NECTIN4: variants seen among roughly 807,000 people sequenced by gnomAD.
The protein encoded by NECTIN4 is nectin-4.
Under a neutral mutation model 51.7 loss-of-function variants are expected in NECTIN4, and 19 were observed. That is an observed-to-expected ratio of 0.37 (90% CI 0.26 to 0.54). The LOEUF is 0.54. NECTIN4 is among the 20% of genes least tolerant of loss of function. The probability of loss-of-function intolerance (pLI) is 0.86; values close to 1 mark genes in which losing one functional copy is unlikely to be tolerated. For synonymous variants in NECTIN4, 283 were observed against 286.9 expected (o/e 0.99, Z 0.14); for missense variants, 619 against 662.4 (o/e 0.93, Z 0.72).
At chr1:161,085,796 T>G (rs1176300570) in intron 1 of NECTIN4, among the ~76,000 whole-genome samples, 2 of 151,552 alleles carry the variant, frequency 1.3e-5, no homozygotes, top group African/African-American at 4.9e-5. Context: ...TCTCCTTGGA[T>G]TCAGGCAATC....
In NECTIN4 at chr1:161,073,264, G is replaced by A. The variant is rs1653260758; in HGVS notation, c.1269C>T (p.His423=). Residue 423 remains histidine (H), a synonymous_variant, in exon 8 of 9, where the codon CAC becomes CAT. Transcript: ENST00000368012. ...EESVGLRAEG[H]PDSLKDNSSC... ...TACTGTTGTCCTTGAGACTATCAGG[G>A]TGGCCCTCGGCTCTCAGCCCTACAC... 1 of 1,613,994 alleles carries A rather than the reference G, an allele frequency of 6.2e-7. No individual in the cohort carries two copies. Among genetic ancestry groups the A allele is most frequent in the Admixed American group, 1.7e-5 (1 of 60,004 alleles).
At position 161,077,603 on chromosome 1, in the gene NECTIN4, G is replaced by A. The variant is rs868422471; in HGVS notation, c.580C>T (p.Arg194Cys). The A allele has an allele frequency of 6.8e-6, 11 of 1,613,702 alleles. No homozygotes were observed. Among genetic ancestry groups the A allele is most frequent in the African/African-American group, 2.7e-5 (2 of 74,918 alleles). Reference protein sequence around the residue: ...DTEVKGTTSSRSFKHSRSAAV... With the variant: ...DTEVKGTTSSCSFKHSRSAAV... ...GCAGAGCGGGAGTGCTTGAAGGAAC[G>A]GCTGGACGTTGTGCCTTTGACCTCC... Residue 194 changes from arginine to cysteine, a missense_variant, in exon 3 of 9, where the codon CGT (arginine) becomes TGT (cysteine). Physicochemically the swap from Arg to Cys is radical, Grantham distance 180. Transcript: ENST00000368012.
At position 161,074,223 on chromosome 1, in the gene NECTIN4, T is replaced by C. The variant is rs1490744946; in HGVS notation, c.1151A>G (p.Gln384Arg). 1 of 1,614,006 alleles carries C rather than the reference T, an allele frequency of 6.2e-7. No individual in the cohort carries two copies. The highest frequency in any genetic ancestry group is 8.5e-7 in the Non-Finnish European group (1 of 1,180,014). ...YHRRKAQQMT[Q>R]KYEEELTLTR... ...AGGAGTGCCCAGTACTCACTATTTC[T>C]GGGTCATCTGCTGGGCCTTGCGCCG... The change falls in exon 6 of 9, where the codon CAG (glutamine) becomes CGG (arginine). Residue 384 changes from glutamine (Q) to arginine (R), a missense_variant. By Grantham distance (43) the Gln-to-Arg change is conservative (BLOSUM62 1). This residue lies in a region of NECTIN4 where 364 missense variants were observed against 415.7 expected (regional missense o/e 0.88). Transcript: ENST00000368012.
intron 7 of NECTIN4, 86 bp from the exon 8 acceptor site, chr1:161,073,385 T>C (rs1481985092): frequency 1.3e-5 from 15 of 1,145,030 alleles, no homozygotes; most frequent in Non-Finnish European, 1.8e-5. Flanking sequence ...ACCAGCCTCC[T>C]CCCTACTTGC....
At chr1:161,079,460 C>T in intron 2 of NECTIN4, 130 bp downstream of exon 2, 1 of 1,242,192 alleles carries the variant, frequency 8.1e-7, no homozygotes, top group Non-Finnish European at 1.1e-6. Flanking sequence ...CTGGATGAAG[C>T]TCCCTCACCT....
In NECTIN4 at chr1:161,089,454, C is replaced by A; in HGVS notation, c.-158G>T. The A allele has an allele frequency of 1.5e-6, 1 of 687,836 alleles. No homozygotes were observed. Among genetic ancestry groups the A allele is most frequent in the South Asian group, 1.6e-5 (1 of 62,896 alleles). 42.6% of individuals were successfully genotyped at this position (687,836 alleles called of 1,614,324 possible). A position where few individuals can be genotyped will look rare whatever the true frequency, so the allele number is the denominator to read the frequency against. On this transcript the variant is annotated 5_prime_UTR_variant, in exon 1 of 9. Coordinates refer to ENST00000368012, the MANE Select transcript of NECTIN4 (RefSeq NM_030916.3). This position sits in a 1 kb window ranked among gnomAD's most constrained non-coding sequence, Gnocchi z 4.1. ...CCACTAGGGGACCCAGCCCCAGCCC[C>A]GGCCCCGTTCTACACACCCAGCCGT...
Position 161,088,779 on chromosome 1 carries a change from C to T in NECTIN4, c.79+439G>A, listed in dbSNP as rs1654060963. On this transcript the variant is annotated intron_variant, in intron 1 of 8. Coordinates refer to ENST00000368012, the MANE Select transcript of NECTIN4 (RefSeq NM_030916.3). ...CAGGCTTCCTGCACCCTGATGACTG[C>T]AGAAACCAGCTGAGCTCTGAGTCAG... Among the ~76,000 whole-genome samples, 5 of 152,178 alleles carry T rather than the reference C, an allele frequency of 3.3e-5. No homozygotes were observed. In the South Asian group the frequency reaches 1.0e-3, roughly 32 times the overall value.
At chr1:161,078,168 C>G (rs1437705763) in intron 2 of NECTIN4, among the ~76,000 whole-genome samples, 1 of 151,968 alleles carries the variant, frequency 6.6e-6, no homozygotes, top group African/African-American at 2.4e-5. Flanking sequence ...AGTGACTATC[C>G]CAAGTCATCA....
At chr1:161,086,087 C>T (rs1284822469) in intron 1 of NECTIN4, among the ~76,000 whole-genome samples, 1 of 152,220 alleles carries the variant, frequency 6.6e-6, no homozygotes, top group Non-Finnish European at 1.5e-5. Flanking sequence ...TTCTCTCTGC[C>T]TAGACTTCGG....
intron 1 of NECTIN4, among the ~76,000 whole-genome samples, chr1:161,085,697 CTTT>C (rs397798727): frequency 1.0e-4 from 14 of 133,880 alleles, no homozygotes; most frequent in African/African-American, 1.1e-4. Flanking sequence ...TTCGCCTCCT[CTTT>C]TTTTTTTTTT....
Position 161,072,537 on chromosome 1 carries a change from C to T in NECTIN4, c.*124G>A, listed in dbSNP as rs1196413802. On this transcript the variant is annotated 3_prime_UTR_variant, in exon 9 of 9. Coordinates refer to ENST00000368012, the MANE Select transcript of NECTIN4 (RefSeq NM_030916.3). ...AGAAGGGTTGGAGGTAAAGGTCAAG[C>T]AGTCAGTGGGATGGGGAGCATCTTC... The T allele has an allele frequency of 3.7e-6, 3 of 806,934 alleles. No individual in the cohort carries two copies. Among genetic ancestry groups the T allele is most frequent in the Non-Finnish European group, 6.4e-6 (3 of 467,594 alleles). The allele number at this position is 806,934 out of a possible 1,614,324, so 50.0% of individuals were successfully genotyped here.
At chr1:161,074,856 C>T (rs557094780) in intron 4 of NECTIN4, 97 bp from the exon 5 acceptor site, 53 of 1,359,008 alleles carry the variant, frequency 3.9e-5, no homozygotes, top group South Asian at 7.9e-5. Flanking sequence ...ACCCCCATGA[C>T]GTCACCCAGA....
rs771841296 is a variant in NECTIN4, at chr1:161,072,684, T to C, written c.1510A>G (p.Asn504Asp). 6.2e-7 allele frequency: 1 copy of C among 1,614,046 alleles called. No individual in the cohort carries two copies. The highest frequency in any genetic ancestry group is 8.5e-7 in the Non-Finnish European group (1 of 1,179,948). The stretch of plus-strand genomic sequence containing the variant: ...GGTCAGACCAGGTGTCCCCGCCCAT[T>C]GATGTAGATGCCATTGCCCGTGGGC... Reference protein sequence around the residue: ...AKPTGNGIYINGRGHLV With the variant: ...AKPTGNGIYIDGRGHLV The change falls in exon 9 of 9, where the codon AAT becomes GAT. Residue 504 changes from asparagine (N) to aspartate (D), a missense_variant. By Grantham distance (23) the Asn-to-Asp change is conservative (BLOSUM62 1). Around this residue, in one of 3 missense-constraint regions of NECTIN4, gnomAD observed 364 missense variants for 415.7 expected, o/e 0.88. Transcript: ENST00000368012.
At chr1:161,077,932 A>T (rs532436181) in intron 2 of NECTIN4, among the ~76,000 whole-genome samples, 189 bp from the exon 3 acceptor site, 1 of 152,318 alleles carries the variant, frequency 6.6e-6, no homozygotes, top group South Asian at 2.1e-4. Flanking sequence ...CGAATTTTTT[A>T]CAATGAACGT....
In NECTIN4 at chr1:161,073,749, G is replaced by T; in HGVS notation, c.1204C>A (p.His402Asn). Reference sequence around the variant, plus strand: ...CTCCTGGGGTCCGTGTGATGGGAATGCAGCCTCCGGATGGAGTTCTCCCTG... The same window carrying T: ...CTCCTGGGGTCCGTGTGATGGGAATTCAGCCTCCGGATGGAGTTCTCCCTG... Reference protein sequence around the residue: ...LTRENSIRRLHSHHTDPRSQP... With the variant: ...LTRENSIRRLNSHHTDPRSQP... The change falls in exon 7 of 9, where the codon CAT (histidine) becomes AAT (asparagine). Residue 402 changes from histidine (H) to asparagine (N), a missense_variant. Around this residue, in one of 3 missense-constraint regions of NECTIN4, gnomAD observed 364 missense variants for 415.7 expected, o/e 0.88. Transcript: ENST00000368012. The T allele has an allele frequency of 6.2e-7, 1 of 1,614,180 alleles. No homozygotes were observed. The highest frequency in any genetic ancestry group is 1.1e-5 in the South Asian group (1 of 91,090).
intron 1 of NECTIN4, among the ~76,000 whole-genome samples, chr1:161,082,522 C>T (rs1653732631): frequency 6.6e-6 from 1 of 152,014 alleles, no homozygotes; most frequent in Non-Finnish European, 1.5e-5. Context: ...AAATGAAGCC[C>T]CACCAGAATG....
Position 161,074,252 on chromosome 1 carries a change from G to A in NECTIN4, c.1122C>T (p.Tyr374=), listed in dbSNP as rs1409935404. 1.9e-6 allele frequency: 3 copies of A among 1,614,064 alleles called. No homozygotes were observed. Among genetic ancestry groups the A allele is most frequent in the Non-Finnish European group, 8.5e-7 (1 of 1,180,008 alleles). Reference sequence around the variant, plus strand: ...TCATCTGCTGGGCCTTGCGCCGATGGTATCGGGACATGAGCACCACCACCA... The same window carrying A: ...TCATCTGCTGGGCCTTGCGCCGATGATATCGGGACATGAGCACCACCACCA... ...LVVVVVLMSR[Y]HRRKAQQMTQ... is the part of the protein sequence containing the mutation. Residue 374 remains tyrosine (Y), a synonymous_variant, in exon 6 of 9, where the codon TAC becomes TAT. Transcript: ENST00000368012.
Position 161,072,980 on chromosome 1 carries a change from C to T in NECTIN4, c.1309-95G>A, listed in dbSNP as rs1332839551. 17 of 1,254,792 alleles carry T rather than the reference C, an allele frequency of 1.4e-5. No individual in the cohort carries two copies. The East Asian group carries it at 2.0e-4, about 15-fold the overall frequency. The allele number at this position is 1,254,792 out of a possible 1,614,324, so 77.7% of individuals were successfully genotyped here. A position where few individuals can be genotyped will look rare whatever the true frequency, so the allele number is the denominator to read the frequency against. ...GGTCATGGTGGGATCAGAGGCCAGGCGTAAGCAGGGGTAACGGTTGCCTCA... is the reference window on the plus strand; with the variant it reads ...GGTCATGGTGGGATCAGAGGCCAGGTGTAAGCAGGGGTAACGGTTGCCTCA... On this transcript the variant is annotated intron_variant, in intron 8 of 8. Coordinates refer to ENST00000368012, the MANE Select transcript of NECTIN4 (RefSeq NM_030916.3).
At chr1:161,083,731 C>T (rs980891513) in intron 1 of NECTIN4, among the ~76,000 whole-genome samples, 1 of 152,220 alleles carries the variant, frequency 6.6e-6, no homozygotes. Context: ...AGACGGGATC[C>T]CTGCCCTTGG....
Sources: gnomAD v4.1 joint callset for allele counts (sites outside exome capture counted in the v4.1 genomes callset) on GRCh38, gnomAD v4.1.1 for gene constraint, gnomAD v4.1.1 regional missense constraint, Gnocchi (gnomAD v3.1) non-coding constraint, MANE v1.5 for transcripts, NCBI Gene and HGNC (gene_info 2026-07-23, HGNC 2026-07-21) for gene names.